The following PREX2 variants were observed in gnomAD, a reference collection of about 807,000 sequenced individuals.
PREX2 encodes the protein phosphatidylinositol-3,4,5-trisphosphate dependent Rac exchange factor 2.
In PREX2, 107 loss-of-function variants were observed where a neutral mutation model predicts 203.2. That is an observed-to-expected ratio of 0.53 (90% CI 0.45 to 0.62). The LOEUF (loss-of-function observed/expected upper bound fraction) is 0.62. PREX2 is among the 20% of genes least tolerant of loss of function. PREX2 has a pLI of 0.00. For synonymous variants in PREX2, 672 were observed against 663.6 expected (o/e 1.01, Z -0.19); for missense variants, 1,777 against 1,955.9 (o/e 0.91, Z 1.72).
intron 34 of PREX2, among the ~76,000 whole-genome samples, chr8:68,151,082 A>G (rs1811424391): frequency 6.6e-6 from 1 of 152,108 alleles, no homozygotes; most frequent in Non-Finnish European, 1.5e-5. Flanking sequence ...ATAATTCAGT[A>G]GGACCTCATT....
In PREX2 at chr8:68,157,441, G is replaced by A; in HGVS notation, c.4346+5G>A. The A allele has an allele frequency of 1.3e-6, 2 of 1,528,230 alleles. No individual in the cohort carries two copies. The highest frequency in any genetic ancestry group is 1.8e-6 in the Non-Finnish European group (2 of 1,104,006). The allele number at this position is 1,528,230 out of a possible 1,614,324, so 94.7% of individuals were successfully genotyped here. A position where few individuals can be genotyped will look rare whatever the true frequency, so the allele number is the denominator to read the frequency against. ...ACAGTACAACCAGAAGCTCAGGTAT[G>A]TAACAATCCAACTGAAAAATAATGA... is the stretch of plus-strand genomic sequence containing the variant. On this transcript the variant is annotated splice_donor_5th_base_variant and intron_variant, in intron 35 of 39. Transcript: ENST00000288368.
chr8:68,176,977 A>C (rs1811992706), intron 35 of PREX2: 1 of 152,466 alleles, frequency 6.6e-6, no homozygotes, highest in Non-Finnish European at 1.5e-5. Flanking sequence ...AAAAAAAAAA[A>C]AACTATCCAG....
intron 6 of PREX2, among the ~76,000 whole-genome samples, chr8:68,036,136 T>C (rs1366800550): frequency 6.6e-6 from 1 of 152,142 alleles, no homozygotes; most frequent in Non-Finnish European, 1.5e-5. Context: ...AGCAAGGGGC[T>C]TGAGAGTTTC....
rs1317202932 is a variant in PREX2 at position 68,202,190 on chromosome 8, G to A, written c.4604+9665G>A. On this transcript the variant is annotated intron_variant, in intron 37 of 39. Coordinates refer to ENST00000288368, the MANE Select transcript of PREX2 (RefSeq NM_024870.4). ...GCTGGGATTACAGGGGTGAGCCACT[G>A]CCCCCAGCCAGGTAGCACATATTTT... Among the ~76,000 whole-genome samples the A allele has an allele frequency of 4.6e-5, 7 of 152,084 alleles. No homozygotes were observed. The East Asian group carries it at 9.7e-4, about 21-fold the overall frequency.
chr8:68,058,053 C>A (rs1426653150), intron 10 of PREX2, among the ~76,000 whole-genome samples: 8 of 152,192 alleles, frequency 5.3e-5, no homozygotes, highest in African/African-American at 1.9e-4. Context: ...CATAACAGCA[C>A]ACTACTGCCG....
chr8:68,164,176 G>A (rs1319837275), intron 35 of PREX2, among the ~76,000 whole-genome samples: 1 of 152,020 alleles, frequency 6.6e-6, no homozygotes, highest in Admixed American at 6.6e-5. Context: ...ACCTAAGATG[G>A]CAAAGAGGAA....
At chr8:68,153,588 A>G (rs1476926064) in intron 34 of PREX2, among the ~76,000 whole-genome samples, 1 of 152,238 alleles carries the variant, frequency 6.6e-6, no homozygotes, top group Non-Finnish European at 1.5e-5. Context: ...AGGAAATGCC[A>G]AATTTAACAT....
At chr8:68,081,265 A>G (rs1272987493) in intron 17 of PREX2, among the ~76,000 whole-genome samples, 1 of 152,102 alleles carries the variant, frequency 6.6e-6, no homozygotes, top group Non-Finnish European at 1.5e-5. Context: ...TCGCGCTCCT[A>G]TGAGAATGTA....
At chr8:68,052,611 T>C (rs557150957) in intron 8 of PREX2, among the ~76,000 whole-genome samples, 1 of 152,330 alleles carries the variant, frequency 6.6e-6, no homozygotes, top group South Asian at 2.1e-4. Flanking sequence ...TTGCACTCTT[T>C]GTGTGTTCCA....
chr8:68,217,194 C>T (rs1449787936), intron 37 of PREX2, among the ~76,000 whole-genome samples: 1 of 152,018 alleles, frequency 6.6e-6, no homozygotes, highest in African/African-American at 2.4e-5. Flanking sequence ...GTAATTTCAC[C>T]ATTTATTCTT....
chr8:68,101,267 G>A, intron 23 of PREX2: 1 of 487,362 alleles, frequency 2.1e-6, no homozygotes. Flanking sequence ...ATACCCAAGG[G>A]ACTCACAACA....
chr8:68,093,474 A>C (rs1809955599), intron 20 of PREX2, 131 bp from the exon 21 acceptor site: 1 of 522,244 alleles, frequency 1.9e-6, no homozygotes, highest in East Asian at 2.9e-5. Flanking sequence ...TTCTGATGTT[A>C]ATTGTATCTC....
intron 37 of PREX2, among the ~76,000 whole-genome samples, chr8:68,213,046 T>C (rs1812771274): frequency 6.6e-6 from 1 of 152,156 alleles, no homozygotes; most frequent in African/African-American, 2.4e-5. Context: ...TTTTCCAGCA[T>C]TGGATGACTG....
intron 1 of PREX2, among the ~76,000 whole-genome samples, chr8:67,965,276 T>C (rs889122608): frequency 6.6e-6 from 1 of 152,140 alleles, no homozygotes; most frequent in East Asian, 1.9e-4. Flanking sequence ...TATCTGTTAA[T>C]ATATGTTGGT....
intron 37 of PREX2, among the ~76,000 whole-genome samples, chr8:68,204,276 T>C (rs1191316623): frequency 6.6e-6 from 1 of 152,148 alleles, no homozygotes; most frequent in Admixed American, 6.5e-5. Flanking sequence ...ACAATGAAAC[T>C]GTGTCAAAGA....
chr8:68,120,780 A>G, intron 29 of PREX2, 141 bp from the exon 30 acceptor site: 2 of 676,272 alleles, frequency 3.0e-6, no homozygotes, highest in South Asian at 4.5e-5. Context: ...CATTTAACGG[A>G]TTTTCTGATG....
At chr8:68,202,031 G>A (rs545113947) in intron 37 of PREX2, among the ~76,000 whole-genome samples, 7 of 149,274 alleles carry the variant, frequency 4.7e-5, no homozygotes, top group East Asian at 2.0e-4. Flanking sequence ...TCAGCCTCCC[G>A]AGTAGCTGGG....
Position 68,224,549 on chromosome 8 carries a change from T to C in PREX2, c.4708-10T>C, listed in dbSNP as rs1382446860. ...ACTGTAGGGATAAAAGTGATTTTCC[T>C]GACTTTCAGGGAGCAAGAGTTCAGA... On this transcript the variant is annotated splice_polypyrimidine_tract_variant and intron_variant, in intron 38 of 39. Coordinates refer to ENST00000288368, the MANE Select transcript of PREX2 (RefSeq NM_024870.4). The C allele has an allele frequency of 6.2e-7, 1 of 1,612,188 alleles. No homozygotes were observed. The highest frequency in any genetic ancestry group is 8.5e-7 in the Non-Finnish European group (1 of 1,178,334).
chr8:67,963,664 A>G (rs1434991182), intron 1 of PREX2, among the ~76,000 whole-genome samples: 1 of 151,964 alleles, frequency 6.6e-6, no homozygotes, highest in Admixed American at 6.6e-5. Flanking sequence ...TAGAAAAAGA[A>G]TAGTATTTTT....
Sources: allele counts gnomAD v4.1 joint callset (sites outside exome capture counted in the v4.1 genomes callset), GRCh38; gene constraint gnomAD v4.1.1; transcripts MANE v1.5; gene names NCBI Gene and HGNC (gene_info 2026-07-23, HGNC 2026-07-21).